The following TBC1D5 variants were observed in gnomAD, a reference collection of about 807,000 sequenced individuals.
TBC1D5 encodes the protein TBC1 domain family member 5.
A neutral mutation model predicts 100.3 loss-of-function variants in TBC1D5; 75 were observed. That is an observed-to-expected ratio of 0.75 (90% CI 0.62 to 0.91). The LOEUF is 0.91. TBC1D5 is among the 40% of genes least tolerant of loss of function. The pLI is 0.00. For synonymous variants in TBC1D5, 323 were observed against 325.6 expected (o/e 0.99, Z 0.09); for missense variants, 910 against 942.4 (o/e 0.97, Z 0.45).
intron 1 of TBC1D5, among the ~76,000 whole-genome samples, chr3:17,670,243 T>C (rs1194929517): frequency 6.6e-6 from 1 of 152,184 alleles, no homozygotes; most frequent in East Asian, 1.9e-4. Context: ...ACCAAATCAC[T>C]CTGAACATGT....
At chr3:17,404,881 A>T (rs1327833298) in exon 6 of TBC1D5, 31 of 1,585,034 alleles carry the variant, frequency 2.0e-5, no homozygotes, top group Non-Finnish European at 2.7e-5. Context: ...CTATTTCTTT[A>T]ATGTTGCTAT....
intron 17 of TBC1D5, among the ~76,000 whole-genome samples, chr3:17,228,386 A>T (rs1260149457): frequency 2.6e-5 from 4 of 152,228 alleles, no homozygotes; most frequent in African/African-American, 9.6e-5. Flanking sequence ...CTCTCCGTAG[A>T]CATAAACCAT....
chr3:17,354,898 A>C (rs1275552139), intron 13 of TBC1D5, among the ~76,000 whole-genome samples: 1 of 152,080 alleles, frequency 6.6e-6, no homozygotes, highest in African/African-American at 2.4e-5. Flanking sequence ...GCACACGGAC[A>C]AATTCAGTAT....
chr3:17,184,880 T>C, intron 19 of TBC1D5: 1 of 270,614 alleles, frequency 3.7e-6, no homozygotes, highest in Non-Finnish European at 7.0e-6. Flanking sequence ...TCCACTCGAT[T>C]TACTAATGAT....
chr3:17,480,162 C>T (rs1317740225), intron 3 of TBC1D5, among the ~76,000 whole-genome samples: 2 of 152,250 alleles, frequency 1.3e-5, no homozygotes, highest in African/African-American at 4.8e-5. Context: ...ACCTCAGTCC[C>T]TTCAGGACTT....
At chr3:17,406,764 T>G in intron 4 of TBC1D5, 1 of 459,154 alleles carries the variant, frequency 2.2e-6, no homozygotes, top group Non-Finnish European at 3.8e-6. Context: ...ATAATGTCTA[T>G]GGAGGCTATT....
At chr3:17,193,869 T>C (rs2070300775) in intron 18 of TBC1D5, among the ~76,000 whole-genome samples, 1 of 152,256 alleles carries the variant, frequency 6.6e-6, no homozygotes, top group Admixed American at 6.5e-5. Flanking sequence ...GTTCTATAAC[T>C]ATTAGCACTT....
chr3:17,691,718 G>C (rs2071189960), intron 1 of TBC1D5, among the ~76,000 whole-genome samples: 1 of 152,004 alleles, frequency 6.6e-6, no homozygotes, highest in South Asian at 2.1e-4. Context: ...TCAGGAGCCT[G>C]AGGCAGGAGA....
chr3:17,633,148 C>T (rs1316796905), intron 1 of TBC1D5, among the ~76,000 whole-genome samples: 2 of 152,118 alleles, frequency 1.3e-5, no homozygotes, highest in African/African-American at 2.4e-5. Flanking sequence ...TAAAAAACTA[C>T]TCATCCGGCC....
intron 1 of TBC1D5, among the ~76,000 whole-genome samples, chr3:17,625,050 C>G (rs1264747056): frequency 6.6e-6 from 1 of 152,000 alleles, no homozygotes; most frequent in African/African-American, 2.4e-5. Flanking sequence ...AATAATTTTA[C>G]CTTTACTACT....
intron 15 of TBC1D5, among the ~76,000 whole-genome samples, chr3:17,286,673 G>C (rs1299799886): frequency 6.6e-6 from 1 of 152,186 alleles, no homozygotes; most frequent in Non-Finnish European, 1.5e-5. Flanking sequence ...ATTTCAACTA[G>C]TTCCTGGGCC....
rs192105332 is a variant in TBC1D5, at chr3:17,356,456, A to C, written c.995+15619T>G. Among the ~76,000 whole-genome samples, 4 of 152,308 alleles carry C rather than the reference A, an allele frequency of 2.6e-5. No individual in the cohort carries two copies. The East Asian group carries it at 7.7e-4, about 29-fold the overall frequency. ...CTAAATACCCAAGTGATACTAAAAC[A>C]AAGCATAATGCTTGATATTAGTAGC... On this transcript the variant is annotated intron_variant, in intron 13 of 21. Transcript: ENST00000253692.
chr3:17,649,449 C>G (rs2065325619), intron 1 of TBC1D5, among the ~76,000 whole-genome samples: 1 of 152,074 alleles, frequency 6.6e-6, no homozygotes, highest in African/African-American at 2.4e-5. Flanking sequence ...AACAAATCTG[C>G]ATGTACCTCC....
chr3:17,531,230 C>G (rs947375754), intron 2 of TBC1D5, among the ~76,000 whole-genome samples: 4 of 152,176 alleles, frequency 2.6e-5, no homozygotes, highest in African/African-American at 7.2e-5. Flanking sequence ...AACTCCCATT[C>G]ACAATTGCTT....
intron 4 of TBC1D5, among the ~76,000 whole-genome samples, chr3:17,418,234 T>C (rs184722327): frequency 7.9e-5 from 12 of 152,326 alleles, no homozygotes; most frequent in South Asian, 6.2e-4. Flanking sequence ...AATTGTATCA[T>C]TGTCAACTAT....
exon 22 of TBC1D5, chr3:17,161,227 A>G: frequency 6.2e-7 from 1 of 1,613,782 alleles, no homozygotes; most frequent in Non-Finnish European, 8.5e-7. Context: ...AATTCCCTCT[A>G]TCAGTGCACC....
chr3:17,368,907 C>T (rs557102817), intron 13 of TBC1D5, among the ~76,000 whole-genome samples: 1 of 152,168 alleles, frequency 6.6e-6, no homozygotes, highest in Admixed American at 6.5e-5. Flanking sequence ...GTGATATTTA[C>T]TCAAACCACT....
At chr3:17,386,211 C>T (rs2093147531) in intron 8 of TBC1D5, among the ~76,000 whole-genome samples, 1 of 151,960 alleles carries the variant, frequency 6.6e-6, no homozygotes, top group Non-Finnish European at 1.5e-5. Flanking sequence ...AGGCTTCATT[C>T]CCAAAAATCT....
intron 17 of TBC1D5, among the ~76,000 whole-genome samples, chr3:17,228,997 A>G (rs1169608510): frequency 6.6e-6 from 1 of 152,052 alleles, no homozygotes; most frequent in East Asian, 1.9e-4. Flanking sequence ...ATTTTCTATT[A>G]CCAAATTCGA....
Sources: gnomAD v4.1 joint callset for allele counts (sites outside exome capture counted in the v4.1 genomes callset) on GRCh38, gnomAD v4.1.1 for gene constraint, MANE v1.5 for transcripts, NCBI Gene and HGNC (gene_info 2026-07-23, HGNC 2026-07-21) for gene names.